Variants in LRRTM4 observed in about 807,000 individuals in gnomAD.
LRRTM4 encodes the protein leucine rich repeat transmembrane neuronal 4.
LRRTM4 carries 25 observed loss-of-function variants against 47.6 expected under a neutral mutation model. That is an observed-to-expected ratio of 0.53 (90% CI 0.38 to 0.73). The LOEUF is 0.73. LRRTM4 is among the 30% of genes least tolerant of loss of function. LRRTM4 has a pLI of 0.00. For missense variants in LRRTM4, 638 were observed against 713.4 expected (o/e 0.89, Z 1.20); for synonymous variants, 311 against 269.5 (o/e 1.15, Z -1.51).
At chr2:77,480,814 GTGTGTGTGGAGAGAGAGA>G (rs1341561805) in intron 3 of LRRTM4, among the ~76,000 whole-genome samples, 5 of 130,822 alleles carry the variant, frequency 3.8e-5, no homozygotes, top group Admixed American at 2.6e-4. Context: ...GTGTGTGTGT[GTGTGTGTGGAGAGAGAGA>G]GAGAGAGAGA....
intron 3 of LRRTM4, among the ~76,000 whole-genome samples, chr2:77,060,988 A>T (rs1239776100): frequency 6.6e-6 from 1 of 152,170 alleles, no homozygotes; most frequent in Non-Finnish European, 1.5e-5. Context: ...ATCAGTAAAA[A>T]ACACAACAGT....
At chr2:77,071,280 A>G (rs919797016) in intron 3 of LRRTM4, among the ~76,000 whole-genome samples, 47 of 152,196 alleles carry the variant, frequency 3.1e-4, no homozygotes, top group African/African-American at 9.9e-4. Flanking sequence ...AGAATGCTCC[A>G]ACAACAAAAA....
At chr2:77,123,538 A>C (rs182730985) in intron 3 of LRRTM4, among the ~76,000 whole-genome samples, 2 of 152,256 alleles carry the variant, frequency 1.3e-5, no homozygotes, top group Non-Finnish European at 2.9e-5. Context: ...GCAAAGATTC[A>C]TAAAACCAAT....
At chr2:77,384,686 C>T (rs956717532) in intron 3 of LRRTM4, among the ~76,000 whole-genome samples, 5 of 151,972 alleles carry the variant, frequency 3.3e-5, no homozygotes, top group Non-Finnish European at 7.4e-5. Flanking sequence ...TGGCTTTTAT[C>T]TCTTTGTATC....
chr2:77,256,509 G>T (rs1024660959), intron 3 of LRRTM4, among the ~76,000 whole-genome samples: 3 of 152,144 alleles, frequency 2.0e-5, no homozygotes, highest in Admixed American at 1.3e-4. Flanking sequence ...AATCATGGGG[G>T]TGCATCTTTC....
chr2:76,871,274 ATATTAG>A (rs1158386542), intron 3 of LRRTM4, among the ~76,000 whole-genome samples: 1 of 152,186 alleles, frequency 6.6e-6, no homozygotes, highest in African/African-American at 2.4e-5. Flanking sequence ...TATTAATAAA[ATATTAG>A]TATTAGAAGA....
At position 77,009,730 on chromosome 2, in the gene LRRTM4, G is replaced by C. The variant is rs566832687; in HGVS notation, c.1552-260814C>G. 6 of 151,974 alleles carry C rather than the reference G, an allele frequency of 3.9e-5. No individual in the cohort carries two copies. In the South Asian group the frequency reaches 1.2e-3, roughly 31 times the overall value. The allele number at this position is 151,974 out of a possible 1,614,324, so 9.4% of individuals were successfully genotyped here. A position where few individuals can be genotyped will look rare whatever the true frequency, so the allele number is the denominator to read the frequency against. On this transcript the variant is annotated intron_variant, in intron 3 of 3. Coordinates refer to ENST00000409884, the MANE Select transcript of LRRTM4 (RefSeq NM_001134745.3). Reference sequence around the variant, plus strand: ...CCTTCACCTCCATAATTTCCCTTTTGTTGCTTCAAATTATTTGTTGTACTA... The same window carrying C: ...CCTTCACCTCCATAATTTCCCTTTTCTTGCTTCAAATTATTTGTTGTACTA...
chr2:77,290,467 A>G (rs1676791606), intron 3 of LRRTM4, among the ~76,000 whole-genome samples: 1 of 152,008 alleles, frequency 6.6e-6, no homozygotes, highest in Non-Finnish European at 1.5e-5. Context: ...AGACAAAAGG[A>G]TAAGACCTAA....
intron 3 of LRRTM4, among the ~76,000 whole-genome samples, chr2:76,834,133 C>T (rs755364066): frequency 6.6e-6 from 1 of 151,570 alleles, no homozygotes. Flanking sequence ...CTCTCCCTCC[C>T]GGGTTCAAGT....
chr2:77,259,225 C>A (rs925310682), intron 3 of LRRTM4, among the ~76,000 whole-genome samples: 1 of 151,948 alleles, frequency 6.6e-6, no homozygotes, highest in Non-Finnish European at 1.5e-5. Flanking sequence ...CTGACTCTTC[C>A]AGTAACTGGC....
chr2:77,153,966 T>C (rs568303317), intron 3 of LRRTM4, among the ~76,000 whole-genome samples: 137 of 152,360 alleles, frequency 9.0e-4, no homozygotes, highest in Non-Finnish European at 1.4e-3. Flanking sequence ...TATTTTAGAA[T>C]GTTCAGAATT....
intron 3 of LRRTM4, among the ~76,000 whole-genome samples, chr2:77,436,046 A>G (rs921861161): frequency 2.6e-5 from 4 of 152,172 alleles, no homozygotes; most frequent in African/African-American, 9.6e-5. Flanking sequence ...CTCTCCATTT[A>G]TGTAGAAATA....
intron 3 of LRRTM4, among the ~76,000 whole-genome samples, chr2:77,346,614 C>T (rs1048011085): frequency 6.6e-6 from 1 of 151,980 alleles, no homozygotes; most frequent in Non-Finnish European, 1.5e-5. Flanking sequence ...ATTTGTAGAA[C>T]TCTACCTCTA....
intron 3 of LRRTM4, among the ~76,000 whole-genome samples, chr2:77,283,328 G>A (rs1032586817): frequency 6.6e-6 from 1 of 151,940 alleles, no homozygotes; most frequent in Non-Finnish European, 1.5e-5. Flanking sequence ...AAAAACAAGA[G>A]ATTCTGGTGG....
chr2:76,995,591 C>T (rs960248152), intron 3 of LRRTM4, among the ~76,000 whole-genome samples: 1 of 151,996 alleles, frequency 6.6e-6, no homozygotes, highest in African/African-American at 2.4e-5. Context: ...TTAGTCACAG[C>T]TGAAACACCC....
At chr2:77,148,360 T>A (rs2103778788) in intron 3 of LRRTM4, among the ~76,000 whole-genome samples, 1 of 152,156 alleles carries the variant, frequency 6.6e-6, no homozygotes, top group Non-Finnish European at 1.5e-5. Flanking sequence ...CTCAATTGAG[T>A]TGGGGACTTT....
At chr2:77,162,500 T>A (rs1258927989) in intron 3 of LRRTM4, among the ~76,000 whole-genome samples, 4 of 152,128 alleles carry the variant, frequency 2.6e-5, no homozygotes, top group Non-Finnish European at 5.9e-5. Flanking sequence ...GAGTTTGAGA[T>A]CTGAGATGGA....
intron 3 of LRRTM4, among the ~76,000 whole-genome samples, chr2:76,901,899 AT>A (rs1354004273): frequency 6.6e-6 from 1 of 152,150 alleles, no homozygotes; most frequent in Non-Finnish European, 1.5e-5. Context: ...ACTTCTGATG[AT>A]TAGCAACCTA....
intron 3 of LRRTM4, among the ~76,000 whole-genome samples, chr2:76,948,333 G>A (rs1294910390): frequency 6.6e-6 from 1 of 151,854 alleles, no homozygotes; most frequent in Non-Finnish European, 1.5e-5. Flanking sequence ...TAACCAACAT[G>A]ACTGAACTCA....
Sources: allele counts gnomAD v4.1 joint callset (sites outside exome capture counted in the v4.1 genomes callset), GRCh38; gene constraint gnomAD v4.1.1; transcripts MANE v1.5; gene names NCBI Gene and HGNC (gene_info 2026-07-23, HGNC 2026-07-21).